Variants in DRC7 observed in about 807,000 individuals in gnomAD.
DRC7 encodes dynein regulatory complex subunit 7, also known as coiled-coil domain containing 135.
A neutral mutation model predicts 104.4 loss-of-function variants in DRC7; 80 were observed. The observed-to-expected ratio is 0.77, with a 90% CI of 0.64 to 0.92. DRC7 has a LOEUF of 0.92. Among genes scored for constraint, DRC7 ranks in the 40% least tolerant of loss-of-function variants. DRC7 has a pLI of 0.00. For missense variants in DRC7, 1,034 were observed against 1,141.1 expected (o/e 0.91, Z 1.35); for synonymous variants, 405 against 447.3 (o/e 0.91, Z 1.19).
chr16:57,730,880 G>A (rs1254794811), intron 17 of DRC7, 51 bp from the exon 18 acceptor site: 2 of 1,600,174 alleles, frequency 1.2e-6, no homozygotes, highest in African/African-American at 1.3e-5. Flanking sequence ...TGCAGCCTGG[G>A]TGAAGGTCAG....
At position 57,718,492 on chromosome 16, in the gene DRC7, C is replaced by A; in HGVS notation, c.1206+17C>A. The A allele has an allele frequency of 6.2e-7, 1 of 1,613,006 alleles. No homozygotes were observed. Among genetic ancestry groups the A allele is most frequent in the South Asian group, 1.1e-5 (1 of 90,968 alleles). Reference sequence around the variant, plus strand: ...GAAAATCTGGTGAGTCTCAGCAGCTCGAGAGCCCAGGGAATGTGTGTGAAG... The same window carrying A: ...GAAAATCTGGTGAGTCTCAGCAGCTAGAGAGCCCAGGGAATGTGTGTGAAG... On this transcript the variant is annotated intron_variant, in intron 9 of 18. Transcript: ENST00000360716.
rs1229159215 is a variant in DRC7 at position 57,731,036 on chromosome 16, T to C, written c.2497T>C (p.Phe833Leu). The change falls in exon 18 of 19, where the codon TTC becomes CTC. Residue 833 changes from phenylalanine to leucine, a missense_variant. Physicochemically the swap from Phe to Leu is conservative, Grantham distance 22. Transcript: ENST00000360716. ...LYLSYCSQAM[F>L]RIRILEQRLN... ...CCTGAGTTACTGCTCTCAGGCCATGTTCCGCATCCGCATCCTGGAGCAGCG... is the reference window on the plus strand; with the variant it reads ...CCTGAGTTACTGCTCTCAGGCCATGCTCCGCATCCGCATCCTGGAGCAGCG... 1 of 1,613,690 alleles carries C rather than the reference T, an allele frequency of 6.2e-7. No individual in the cohort carries two copies. Among genetic ancestry groups the C allele is most frequent in the Non-Finnish European group, 8.5e-7 (1 of 1,179,958 alleles).
At chr16:57,730,063 TG>T (rs2049039238) in intron 17 of DRC7, among the ~76,000 whole-genome samples, 1 of 83,172 alleles carries the variant, frequency 1.2e-5, no homozygotes, top group Non-Finnish European at 2.3e-5. Flanking sequence ...GATGGATGGA[TG>T]GATGATGGAT....
chr16:57,721,738 A>AG lies in DRC7; in HGVS notation c.1279+1dup, dbSNP rs1567884542. 2 of 1,612,450 alleles carry AG rather than the reference A, an allele frequency of 1.2e-6. No individual in the cohort carries two copies. Among genetic ancestry groups the AG allele is most frequent in the Non-Finnish European group, 1.7e-6 (2 of 1,178,776 alleles). ...TGGAGCAGATTGAGATCTCCCCGGA[A>AG]GGTATTTTCTATTTGTGTATTCACT... On this transcript the variant is annotated frameshift_variant and splice_region_variant, in exon 10 of 19. Transcript: ENST00000360716. LOFTEE classifies it high-confidence loss of function.
At chr16:57,700,891 G>T (rs1458372064) in intron 5 of DRC7, among the ~76,000 whole-genome samples, 2 of 152,166 alleles carry the variant, frequency 1.3e-5, no homozygotes, top group African/African-American at 4.8e-5. Flanking sequence ...AGGGGCTTTA[G>T]GTGTTTTTTC....
chr16:57,718,499 C>T (rs1433141802), intron 9 of DRC7, 24 bp downstream of exon 9: 2 of 1,612,394 alleles, frequency 1.2e-6, no homozygotes, highest in African/African-American at 1.3e-5. Flanking sequence ...GCTCGAGAGC[C>T]CAGGGAATGT....
rs1597814305 is a variant in DRC7, at chr16:57,728,442, A to G, written c.2249A>G (p.Tyr750Cys). The change falls in exon 17 of 19, where the codon TAC (tyrosine) becomes TGC (cysteine). Residue 750 changes from tyrosine (Y) to cysteine (C), a missense_variant. Transcript: ENST00000360716. ...CGGCAGGTGGAGACCCAGCTGGACT[A>G]CCTGGCCCCATTCCTGGCCCAGCTC... ...HLRQVETQLD[Y>C]LAPFLAQLPP... 1 of 1,611,908 alleles carries G rather than the reference A, an allele frequency of 6.2e-7. No individual in the cohort carries two copies.
At chr16:57,716,640 C>G (rs1313597800) in intron 8 of DRC7, among the ~76,000 whole-genome samples, 1 of 152,170 alleles carries the variant, frequency 6.6e-6, no homozygotes, top group Admixed American at 6.5e-5. Context: ...CTGTGCCCCC[C>G]ACTTCTCTCC....
intron 17 of DRC7, among the ~76,000 whole-genome samples, chr16:57,730,321 A>ATGGATGGGCGAGTGGATAGATGGACGGT (rs1164049915): frequency 2.1e-5 from 3 of 140,816 alleles, no homozygotes; most frequent in Admixed American, 7.1e-5. Context: ...GGATGGATGG[A>ATGGATGGGCGAGTGGATAGATGGACGGT]TGGATGGGCG....
chr16:57,698,220 A>G, intron 3 of DRC7, 68 bp downstream of exon 3: 1 of 1,604,242 alleles, frequency 6.2e-7, no homozygotes, highest in South Asian at 1.1e-5. Flanking sequence ...ACCCAGGCAG[A>G]GTGCTGGTGC....
intron 8 of DRC7, chr16:57,714,950 T>C: frequency 3.0e-6 from 1 of 337,956 alleles, no homozygotes; most frequent in Non-Finnish European, 5.8e-6. Context: ...CTGAGAATGC[T>C]AATTTGAAGA....
At chr16:57,698,203 C>T in intron 3 of DRC7, 51 bp downstream of exon 3, 1 of 1,609,970 alleles carries the variant, frequency 6.2e-7, no homozygotes, top group Non-Finnish European at 8.5e-7. Flanking sequence ...GGGCTGGGCA[C>T]AGGGAGACCC....
chr16:57,726,192 C>T lies in DRC7; in HGVS notation c.1883C>T (p.Thr628Met), dbSNP rs138457451. ...LRYHCREDHI[T>M]ASKREFLRRT... ...TACCACTGCCGTGAGGACCACATCA[C>T]GGCCTCCAAGCGCGAGTTCCTGCGG... Residue 628 changes from threonine to methionine, a missense_variant, in exon 14 of 19, where the codon ACG becomes ATG. By Grantham distance (81) the Thr-to-Met change is moderately conservative. Coordinates refer to ENST00000360716, the MANE Select transcript of DRC7 (RefSeq NM_001289162.2). The T allele has an allele frequency of 4.0e-5, 64 of 1,613,124 alleles. No individual in the cohort carries two copies. Among genetic ancestry groups the T allele is most frequent in the African/African-American group, 2.3e-4 (17 of 74,950 alleles).
chr16:57,704,975 C>A lies in DRC7; in HGVS notation c.799C>A (p.Gln267Lys). The change falls in exon 7 of 19, where the codon CAG (glutamine) becomes AAG (lysine). Residue 267 changes from glutamine (Q) to lysine (K), a missense_variant. Transcript: ENST00000360716. ...RFEQEQEVKK[Q>K]QEIRAQEKKR... ...TGAGCAGGAGCAAGAGGTGAAGAAG[C>A]AGCAGGAGATCAGAGCCCAGGAGAA... The A allele has an allele frequency of 1.9e-6, 3 of 1,613,614 alleles. No homozygotes were observed. The highest frequency in any genetic ancestry group is 2.5e-6 in the Non-Finnish European group (3 of 1,179,944).
At chr16:57,699,318 G>T (rs1262445994) in intron 4 of DRC7, among the ~76,000 whole-genome samples, 1 of 152,252 alleles carries the variant, frequency 6.6e-6, no homozygotes, top group Non-Finnish European at 1.5e-5. Flanking sequence ...ATCAAGAGGA[G>T]ACTCGGGATT....
At chr16:57,703,384 C>T (rs765349217) in intron 6 of DRC7, among the ~76,000 whole-genome samples, 9 of 152,162 alleles carry the variant, frequency 5.9e-5, no homozygotes, top group Non-Finnish European at 1.2e-4. Context: ...ATGCTACAGA[C>T]AGAAAATGCT....
At chr16:57,728,743 C>T (rs1024461039) in intron 17 of DRC7, among the ~76,000 whole-genome samples, 159 bp downstream of exon 17, 1 of 145,500 alleles carries the variant, frequency 6.9e-6, no homozygotes, top group Non-Finnish European at 1.5e-5. Flanking sequence ...AGTTGTTCCT[C>T]CTCACACTTG....
intron 9 of DRC7, among the ~76,000 whole-genome samples, chr16:57,720,635 C>T (rs1297589616): frequency 6.6e-6 from 1 of 152,172 alleles, no homozygotes; most frequent in Non-Finnish European, 1.5e-5. Context: ...GTCATGGACC[C>T]CCAGGAAAAA....
At chr16:57,701,865 G>A in intron 5 of DRC7, 71 bp from the exon 6 acceptor site, 2 of 1,358,956 alleles carry the variant, frequency 1.5e-6, no homozygotes, top group Non-Finnish European at 2.1e-6. Context: ...CAGGTGGTGG[G>A]CTGTGACCGG....
Sources: allele counts gnomAD v4.1 joint callset (sites outside exome capture counted in the v4.1 genomes callset), GRCh38; gene constraint gnomAD v4.1.1; transcripts MANE v1.5; gene names NCBI Gene and HGNC (gene_info 2026-07-23, HGNC 2026-07-21).